The following AGBL5 variants were observed in gnomAD, a reference collection of about 807,000 sequenced individuals.
The protein encoded by AGBL5 is AGBL carboxypeptidase 5, also known as cytosolic carboxypeptidase-like protein 5.
A neutral mutation model predicts 88.0 loss-of-function variants in AGBL5; 51 were observed. The observed-to-expected ratio is 0.58, with a 90% CI of 0.46 to 0.73. The LOEUF (loss-of-function observed/expected upper bound fraction) is 0.73. Ranked by LOEUF, AGBL5 falls within the 30% of genes least tolerant of loss-of-function variation. The probability of loss-of-function intolerance (pLI) is 0.00; values close to 1 mark genes in which losing one functional copy is unlikely to be tolerated. For synonymous variants in AGBL5, 446 were observed against 438.8 expected, an observed-to-expected ratio of 1.02 and a Z score of -0.21; for missense variants, 1,031 against 1,162.2, an observed-to-expected ratio of 0.89 and a Z score of 1.64.
In AGBL5 at chr2:27,053,537, A is replaced by G; in HGVS notation, c.351A>G (p.Pro117=). 1 of 1,613,938 alleles carries G rather than the reference A, an allele frequency of 6.2e-7. No individual in the cohort carries two copies. Among genetic ancestry groups the G allele is most frequent in the Non-Finnish European group, 8.5e-7 (1 of 1,179,968 alleles). Reference sequence around the variant, plus strand: ...TTGTGCGCACACTGCCCACCCGGCCACGCTGGGAACGCATTCGAGACCGGC... The same window carrying G: ...TTGTGCGCACACTGCCCACCCGGCCGCGCTGGGAACGCATTCGAGACCGGC... ...APFVRTLPTR[P]RWERIRDRPT... Residue 117 remains proline (P), a synonymous_variant, in exon 3 of 15, where the codon CCA becomes CCG. Transcript: ENST00000360131. This position sits in a 1 kb window ranked among gnomAD's most constrained non-coding sequence, Gnocchi z 4.9.
rs1321754885 is a variant in AGBL5, at chr2:27,053,192, A to G, written c.215+19A>G. The G allele has an allele frequency of 6.4e-7, 1 of 1,564,028 alleles. No homozygotes were observed. Among genetic ancestry groups the G allele is most frequent in the African/African-American group, 1.4e-5 (1 of 73,780 alleles). ...GGAACAGGTATATGGAACGAAATGG[A>G]GGGTGGAAAAAGGCTCCAAACCCAT... On this transcript the variant is annotated intron_variant, in intron 2 of 14. Transcript: ENST00000360131. The surrounding 1 kb of genome is among the most constrained non-coding windows in gnomAD (Gnocchi z 4.9).
At position 27,059,306 on chromosome 2, in the gene AGBL5, C is replaced by T; in HGVS notation, c.1991C>T (p.Ser664Phe). The stretch of plus-strand genomic sequence containing the variant: ...CAAAATTCTCCACAGATGAAGAATT[C>T]CCCCAGCTTTCCTTTTCATGGCAGT... ...SQQNSPQMKN[S>F]PSFPFHGSRP... The change falls in exon 11 of 15, where the codon TCC becomes TTC. Residue 664 changes from serine (S) to phenylalanine (F), a missense_variant. Transcript: ENST00000360131. The T allele has an allele frequency of 1.2e-6, 2 of 1,614,230 alleles. No individual in the cohort carries two copies. The highest frequency in any genetic ancestry group is 1.3e-5 in the African/African-American group (1 of 75,058).
At chr2:27,068,789 G>GC (rs752708182) in intron 13 of AGBL5, 45 bp downstream of exon 13, 1 of 1,608,326 alleles carries the variant, frequency 6.2e-7, no homozygotes, top group East Asian at 2.2e-5. Context: ...GCAGAACCCA[G>GC]CAAGGCACTG....
chr2:27,055,160 C>A lies in AGBL5; in HGVS notation c.815C>A (p.Pro272His), dbSNP rs757420415. 4 of 1,614,110 alleles carry A rather than the reference C, an allele frequency of 2.5e-6. No individual in the cohort carries two copies. The highest frequency in any genetic ancestry group is 3.4e-6 in the Non-Finnish European group (4 of 1,180,038). ...GGCTTTCTGGACTTCATCCTCCGAC[C>A]TGATGATCCCCGGGCCCAAACCCTC... Reference protein sequence around the residue: ...FNGFLDFILRPDDPRAQTLRR... With the variant: ...FNGFLDFILRHDDPRAQTLRR... Residue 272 changes from proline (P) to histidine (H), a missense_variant, in exon 6 of 15, where the codon CCT becomes CAT. Pro to His is a moderately conservative substitution (Grantham distance 77). Transcript: ENST00000360131.
chr2:27,057,940 G>A (rs1668520668), intron 9 of AGBL5, among the ~76,000 whole-genome samples: 1 of 152,218 alleles, frequency 6.6e-6, no homozygotes, highest in African/African-American at 2.4e-5. Context: ...ACTGGGCATA[G>A]TGGCACATGC....
Position 27,053,606 on chromosome 2 carries a change from G to C in AGBL5, c.387+33G>C. The C allele has an allele frequency of 1.3e-6, 2 of 1,588,074 alleles. No homozygotes were observed. The highest frequency in any genetic ancestry group is 4.5e-5 in the East Asian group (2 of 44,588). ...CTCCATGAGGAGGAAAGAAAGACTT[G>C]GGTGCTAAAAGTAGAGAGGAAAGTA... is the stretch of plus-strand genomic sequence containing the variant. On this transcript the variant is annotated intron_variant, in intron 3 of 14. Coordinates refer to ENST00000360131, the MANE Select transcript of AGBL5 (RefSeq NM_021831.6). This position sits in a 1 kb window ranked among gnomAD's most constrained non-coding sequence, Gnocchi z 4.9.
At chr2:27,066,060 A>G (rs1344518848) in intron 11 of AGBL5, among the ~76,000 whole-genome samples, 1 of 152,018 alleles carries the variant, frequency 6.6e-6, no homozygotes, top group Non-Finnish European at 1.5e-5. Context: ...TGAGTTCCAG[A>G]CCACCCTGGG....
upstream of AGBL5, among the ~76,000 whole-genome samples, chr2:27,051,194 GAAAGAACTAA>G (rs1668100843): frequency 6.6e-6 from 1 of 152,180 alleles, no homozygotes. Context: ...AAGGCAAAGG[GAAAGAACTAA>G]GCAGCAGGCG....
chr2:27,069,851 T>A, intron 14 of AGBL5, 145 bp downstream of exon 14: 6 of 1,434,442 alleles, frequency 4.2e-6, no homozygotes, highest in Non-Finnish European at 5.5e-6. Context: ...TAGTCCCTGA[T>A]TTTTTTTTCC....
intron 11 of AGBL5, among the ~76,000 whole-genome samples, chr2:27,060,378 G>A (rs1668654108): frequency 6.6e-6 from 1 of 152,202 alleles, no homozygotes; most frequent in South Asian, 2.1e-4. Flanking sequence ...GGCCTTTAGG[G>A]AAAAAGAAGA....
chr2:27,056,283 G>A, intron 7 of AGBL5, 145 bp downstream of exon 7: 1 of 805,316 alleles, frequency 1.2e-6, no homozygotes, highest in South Asian at 1.8e-5. Context: ...GCTTTGAAGG[G>A]CCAAGAAGAG....
intron 14 of AGBL5, 46 bp downstream of exon 14, chr2:27,069,752 C>T (rs953181574): frequency 3.2e-6 from 5 of 1,566,872 alleles, no homozygotes; most frequent in Non-Finnish European, 4.3e-6. Context: ...CACTTCTGTC[C>T]CCTCATTCCC....
chr2:27,051,418 C>T (rs1204620999), upstream of AGBL5: 2 of 152,244 alleles, frequency 1.3e-5, no homozygotes, highest in Non-Finnish European at 2.9e-5. Context: ...CTTTTTATTT[C>T]GCAGTTGAGT....
At chr2:27,067,851 C>T in intron 12 of AGBL5, 1 of 673,554 alleles carries the variant, frequency 1.5e-6, no homozygotes, top group South Asian at 1.7e-5. Flanking sequence ...TGAACATTTA[C>T]TATGTGCCAG....
chr2:27,063,552 G>A (rs1441928825), intron 11 of AGBL5, among the ~76,000 whole-genome samples: 1 of 148,470 alleles, frequency 6.7e-6, no homozygotes, highest in African/African-American at 2.5e-5. Flanking sequence ...CCCAGATCGC[G>A]CTACTGCACT....
intron 9 of AGBL5, 52 bp from the exon 10 acceptor site, chr2:27,058,348 G>C: frequency 6.2e-7 from 1 of 1,603,884 alleles, no homozygotes; most frequent in Non-Finnish European, 8.5e-7. Flanking sequence ...CCCCAAGGTA[G>C]CAGCCTGGAT....
At chr2:27,064,527 C>T (rs539734555) in intron 11 of AGBL5, among the ~76,000 whole-genome samples, 1 of 151,964 alleles carries the variant, frequency 6.6e-6, no homozygotes, top group Non-Finnish European at 1.5e-5. Context: ...GTCTCAAGCT[C>T]CCGGACTCAA....
rs747738876 is a variant in AGBL5, at chr2:27,055,198, G to A, written c.853G>A (p.Val285Ile). The A allele has an allele frequency of 6.2e-6, 10 of 1,614,166 alleles. No individual in the cohort carries two copies. In the South Asian group the frequency reaches 7.7e-5, roughly 12 times the overall value. Residue 285 changes from valine (V) to isoleucine (I), a missense_variant, in exon 6 of 15, where the codon GTC becomes ATC. Val to Ile is a conservative substitution (Grantham distance 29, BLOSUM62 3). Around this residue, in one of 2 missense-constraint regions of AGBL5, gnomAD observed 540 missense variants for 678.2 expected, o/e 0.80. Transcript: ENST00000360131. ...GGCCCAAACCCTCCGTCGCCTCTTC[G>A]TCTTTAAGCTGATTCCCATGTTGAA... The part of the protein sequence containing the change: ...PRAQTLRRLF[V>I]FKLIPMLNPD...
At chr2:27,056,278 G>A in intron 7 of AGBL5, 140 bp downstream of exon 7, 1 of 818,804 alleles carries the variant, frequency 1.2e-6, no homozygotes, top group South Asian at 1.8e-5. Context: ...AAAAAGCTTT[G>A]AAGGGCCAAG....
Sources: allele counts gnomAD v4.1 joint callset (sites outside exome capture counted in the v4.1 genomes callset), GRCh38; gene constraint gnomAD v4.1.1; regional missense constraint gnomAD v4.1.1; non-coding constraint Gnocchi (gnomAD v3.1); transcripts MANE v1.5; gene names NCBI Gene and HGNC (gene_info 2026-07-23, HGNC 2026-07-21).